The following CYTH3 variants were observed in gnomAD, a reference collection of about 807,000 sequenced individuals.
CYTH3 encodes the protein cytohesin 3, also known as cytohesin-3.
CYTH3 carries 23 observed loss-of-function variants against 55.1 expected under a neutral mutation model. That is an observed-to-expected ratio of 0.42 (90% CI 0.30 to 0.59). The LOEUF (loss-of-function observed/expected upper bound fraction) is 0.59, where lower values mean the gene tolerates loss of function less well. Ranked by LOEUF, CYTH3 falls within the 20% of genes least tolerant of loss-of-function variation. The probability of loss-of-function intolerance (pLI) is 0.20; values close to 1 mark genes in which losing one functional copy is unlikely to be tolerated. For missense variants in CYTH3, 413 were observed against 524.8 expected (o/e 0.79, Z 2.08); for synonymous variants, 249 against 194.9 (o/e 1.28, Z -2.31).
intron 1 of CYTH3, among the ~76,000 whole-genome samples, chr7:6,199,424 G>C (rs1784009864): frequency 2.0e-5 from 3 of 152,182 alleles, no homozygotes. Context: ...TCTGTAGCAG[G>C]AGGATCTGGA....
intron 1 of CYTH3, among the ~76,000 whole-genome samples, chr7:6,247,421 C>CG (rs1351621255): frequency 6.7e-6 from 1 of 149,994 alleles, no homozygotes; most frequent in East Asian, 1.9e-4. Flanking sequence ...AGAAACAGCT[C>CG]GTTTTTTTTC....
chr7:6,176,250 A>G (rs1225021131), intron 5 of CYTH3, among the ~76,000 whole-genome samples: 2 of 141,374 alleles, frequency 1.4e-5, no homozygotes, highest in African/African-American at 5.4e-5. Context: ...TAGAAATACA[A>G]TTGATTTTTT....
At chr7:6,258,201 T>A (rs1476169689) in intron 1 of CYTH3, among the ~76,000 whole-genome samples, 1 of 151,588 alleles carries the variant, frequency 6.6e-6, no homozygotes, top group African/African-American at 2.4e-5. Flanking sequence ...AGGGCCTAGC[T>A]ACTTGAGAGG....
intron 1 of CYTH3, among the ~76,000 whole-genome samples, chr7:6,211,982 T>C (rs779594774): frequency 4.6e-5 from 7 of 152,162 alleles, no homozygotes; most frequent in Non-Finnish European, 8.8e-5. Flanking sequence ...TGAGACGCTG[T>C]CTCAAAAATA....
chr7:6,196,263 CA>C (rs551564963), intron 1 of CYTH3, among the ~76,000 whole-genome samples: 55 of 152,014 alleles, frequency 3.6e-4, no homozygotes, highest in Admixed American at 7.2e-4. Context: ...GGAGAAGAAA[CA>C]CAAAGAAATC....
intron 1 of CYTH3, among the ~76,000 whole-genome samples, chr7:6,252,513 C>G (rs1779998310): frequency 6.6e-6 from 1 of 152,160 alleles, no homozygotes; most frequent in South Asian, 2.1e-4. Flanking sequence ...GTTGCTATTT[C>G]TTGAATACTT....
chr7:6,190,590 G>C, intron 1 of CYTH3, 59 bp from the exon 2 acceptor site: 1 of 1,332,736 alleles, frequency 7.5e-7, no homozygotes, highest in South Asian at 1.4e-5. Flanking sequence ...CATCCAGCAA[G>C]GTTGAGGTGG....
chr7:6,239,562 A>G (rs939163616), intron 1 of CYTH3, among the ~76,000 whole-genome samples: 1 of 152,246 alleles, frequency 6.6e-6, no homozygotes, highest in African/African-American at 2.4e-5. Flanking sequence ...AAAAATTAGA[A>G]AAGAGGAGAT....
At chr7:6,168,772 C>T in intron 9 of CYTH3, among the ~76,000 whole-genome samples, 1 of 152,250 alleles carries the variant, frequency 6.6e-6, no homozygotes, top group East Asian at 1.9e-4. Flanking sequence ...ATTTCATTCA[C>T]ACACTTACGT....
rs1181399690 is a variant in CYTH3, at chr7:6,163,525, C to T, written c.*1419G>A. Reference sequence around the variant, plus strand: ...GGTCGGCCCAAGCACACAATGCCCCCGGTCCAGCCCTGAGCCCTCTCTGTA... The same window carrying T: ...GGTCGGCCCAAGCACACAATGCCCCTGGTCCAGCCCTGAGCCCTCTCTGTA... On this transcript the variant is annotated 3_prime_UTR_variant, in exon 13 of 13. Transcript: ENST00000350796. The T allele has an allele frequency of 1.3e-5, 2 of 152,536 alleles. No homozygotes were observed. Among genetic ancestry groups the T allele is most frequent in the Non-Finnish European group, 2.9e-5 (2 of 68,282 alleles). 9.4% of individuals were successfully genotyped at this position (152,536 alleles called of 1,614,324 possible).
chr7:6,188,397 A>G (rs2128543541), intron 2 of CYTH3, among the ~76,000 whole-genome samples: 1 of 151,888 alleles, frequency 6.6e-6, no homozygotes, highest in South Asian at 2.1e-4. Flanking sequence ...ATGAGTCCTC[A>G]GTTCGCTTAA....
rs1783142371 is a variant in CYTH3, at chr7:6,170,401, G to C, written c.823+134C>G. 2 of 819,336 alleles carry C rather than the reference G, an allele frequency of 2.4e-6. No individual in the cohort carries two copies. The highest frequency in any genetic ancestry group is 3.5e-5 in the African/African-American group (2 of 57,630). 50.8% of individuals were successfully genotyped at this position (819,336 alleles called of 1,614,324 possible). ...CATGCAGCTACCGAGAGCGGGCTCTGGCTTAACCGCGTTTCTTTTTAACGT... is the reference window on the plus strand; with the variant it reads ...CATGCAGCTACCGAGAGCGGGCTCTCGCTTAACCGCGTTTCTTTTTAACGT... On this transcript the variant is annotated intron_variant, in intron 9 of 12. Coordinates refer to ENST00000350796, the MANE Select transcript of CYTH3 (RefSeq NM_004227.4). The surrounding 1 kb of genome is among the most constrained non-coding windows in gnomAD (Gnocchi z 7.8).
chr7:6,212,110 C>T (rs1303381087), intron 1 of CYTH3, among the ~76,000 whole-genome samples: 1 of 152,186 alleles, frequency 6.6e-6, no homozygotes, highest in South Asian at 2.1e-4. Context: ...AACCATCCTT[C>T]TACTCTCTAT....
chr7:6,187,622 G>A, intron 3 of CYTH3, 35 bp downstream of exon 3: 1 of 1,574,142 alleles, frequency 6.4e-7, no homozygotes, highest in Non-Finnish European at 8.7e-7. Flanking sequence ...AAAGAAAAGA[G>A]TAAATAGCTT....
At chr7:6,224,639 G>A (rs1023513528) in intron 1 of CYTH3, among the ~76,000 whole-genome samples, 21 of 152,158 alleles carry the variant, frequency 1.4e-4, no homozygotes, top group African/African-American at 4.1e-4. Context: ...CATTTTTGTC[G>A]CTGTGGAATA....
rs749584345 is a variant in CYTH3, at chr7:6,165,326, G to A, written c.1074C>T (p.Tyr358=). The change falls in exon 12 of 13, where the codon TAC becomes TAT. Residue 358 remains tyrosine, a synonymous_variant. Transcript: ENST00000350796. ...CCTCCGGGCTCGGGGCTGAGATCCG[G>A]TACACCACATGGTTCCCCTCTACCA... is the stretch of plus-strand genomic sequence containing the variant. ...GRVVEGNHVV[Y]RISAPSPEEK... 4 of 1,613,984 alleles carry A rather than the reference G, an allele frequency of 2.5e-6. No homozygotes were observed. Among genetic ancestry groups the A allele is most frequent in the Non-Finnish European group, 2.5e-6 (3 of 1,180,032 alleles).
intron 5 of CYTH3, 94 bp downstream of exon 5, chr7:6,177,729 A>C: frequency 1.0e-6 from 1 of 974,986 alleles, no homozygotes; most frequent in Non-Finnish European, 1.6e-6. Flanking sequence ...TCATGCCTTT[A>C]GGCTGTGATG....
chr7:6,223,806 G>C (rs1779157791), intron 1 of CYTH3, among the ~76,000 whole-genome samples: 1 of 109,738 alleles, frequency 9.1e-6, no homozygotes, highest in African/African-American at 3.6e-5. Flanking sequence ...CCCCCTCTCT[G>C]AGAAACACCC....
chr7:6,269,686 T>C (rs2115073040), intron 1 of CYTH3, among the ~76,000 whole-genome samples: 1 of 152,162 alleles, frequency 6.6e-6, no homozygotes, highest in East Asian at 1.9e-4. Context: ...TAAGGAACAA[T>C]GTGTTCTTGT....
Sources: gnomAD v4.1 joint callset for allele counts (sites outside exome capture counted in the v4.1 genomes callset) on GRCh38, gnomAD v4.1.1 for gene constraint, Gnocchi (gnomAD v3.1) non-coding constraint, MANE v1.5 for transcripts, NCBI Gene and HGNC (gene_info 2026-07-23, HGNC 2026-07-21) for gene names.